MFN1: variants seen among roughly 807,000 people sequenced by gnomAD.
The protein encoded by MFN1 is mitofusin-1.
Under a neutral mutation model 92.4 loss-of-function variants are expected in MFN1, and 65 were observed. The ratio of observed to expected loss-of-function variants is 0.70; its 90% confidence interval spans 0.58 to 0.86. MFN1 has a LOEUF of 0.86. Among genes scored for constraint, MFN1 ranks in the 40% least tolerant of loss-of-function variants. MFN1 has a pLI of 0.00. For synonymous variants in MFN1, 297 were observed against 300.9 expected (o/e 0.99, Z 0.13); for missense variants, 781 against 868.0 (o/e 0.90, Z 1.26).
At chr3:179,357,210 G>A (rs1436683146) in intron 3 of MFN1, among the ~76,000 whole-genome samples, 1 of 152,168 alleles carries the variant, frequency 6.6e-6, no homozygotes, top group Non-Finnish European at 1.5e-5. Flanking sequence ...AAGAATGGGG[G>A]TGCAAATGGT....
rs200339629 is a variant in MFN1, at chr3:179,375,265, A to G, written c.1021A>G (p.Thr341Ala). Residue 341 changes from threonine to alanine, a missense_variant, in exon 10 of 18, where the codon ACT (threonine) becomes GCT (alanine). Physicochemically the swap from Thr to Ala is moderately conservative, Grantham distance 58. Transcript: ENST00000471841. ...SAVKTKFEQH[T>A]IRAKQILATV... Reference sequence around the variant, plus strand: ...AGTGAAAACAAAGTTCGAACAGCACACTATCAGAGCTAAACAGATACTAGC... The same window carrying G: ...AGTGAAAACAAAGTTCGAACAGCACGCTATCAGAGCTAAACAGATACTAGC... 7 of 1,613,928 alleles carry G rather than the reference A, an allele frequency of 4.3e-6. No individual in the cohort carries two copies. Among genetic ancestry groups the G allele is most frequent in the African/African-American group, 2.7e-5 (2 of 74,938 alleles).
chr3:179,376,866 C>A, intron 10 of MFN1, 176 bp from the exon 11 acceptor site: 1 of 494,584 alleles, frequency 2.0e-6, no homozygotes, highest in East Asian at 3.7e-5. Flanking sequence ...TCTATCAAAT[C>A]ATCTATATAA....
chr3:179,348,578 C>T (rs1294553994), intron 1 of MFN1, among the ~76,000 whole-genome samples: 2 of 152,180 alleles, frequency 1.3e-5, no homozygotes, highest in Non-Finnish European at 2.9e-5. Context: ...AACTTAGTCA[C>T]AATTAGTTTC....
chr3:179,390,106 G>A lies in MFN1; in HGVS notation c.2115G>A (p.Leu705=). 2 of 1,600,446 alleles carry A rather than the reference G, an allele frequency of 1.2e-6. No individual in the cohort carries two copies. Among genetic ancestry groups the A allele is most frequent in the East Asian group, 2.2e-5 (1 of 44,480 alleles). The change falls in exon 17 of 18, where the codon TTG becomes TTA. Residue 705 remains leucine (L), a synonymous_variant. Transcript: ENST00000471841. ...GATTACCCAAAGAAATAGATCAGTT[G>A]GAGAAAATACAAAACAATTCAAAGC... ...IARLPKEIDQ[L]EKIQNNSKLL... is the part of the protein sequence containing the mutation.
At position 179,392,000 on chromosome 3, in the gene MFN1, G is replaced by A; in HGVS notation, c.2167G>A (p.Glu723Lys). 1 of 1,607,292 alleles carries A rather than the reference G, an allele frequency of 6.2e-7. No individual in the cohort carries two copies. The highest frequency in any genetic ancestry group is 2.2e-5 in the East Asian group (1 of 44,724). Residue 723 changes from glutamate (E) to lysine (K), a missense_variant, in exon 18 of 18, where the codon GAA (glutamate) becomes AAA (lysine). Physicochemically the swap from Glu to Lys is moderately conservative, Grantham distance 56. Transcript: ENST00000471841. ...AATTAGAAATAAAGCTGTTCAACTT[G>A]AAAATGAGCTGGAGAATTTTACTAA... ...KLLRNKAVQL[E>K]NELENFTKQF...
chr3:179,353,760 G>A (rs1196347353), intron 3 of MFN1, among the ~76,000 whole-genome samples: 1 of 152,178 alleles, frequency 6.6e-6, no homozygotes, highest in Non-Finnish European at 1.5e-5. Flanking sequence ...TACCAACAGA[G>A]GCATTTATTT....
At chr3:179,355,025 GACCTCAGGCCATCCACCC>G (rs1448601457) in intron 3 of MFN1, among the ~76,000 whole-genome samples, 2 of 152,086 alleles carry the variant, frequency 1.3e-5, no homozygotes, top group East Asian at 3.8e-4. Flanking sequence ...TCGAACTCCT[GACCTCAGGCCATCCACCC>G]ACCTCGGCCT....
intron 4 of MFN1, 142 bp downstream of exon 4, chr3:179,359,144 G>T: frequency 9.6e-7 from 1 of 1,039,572 alleles, no homozygotes; most frequent in Non-Finnish European, 1.3e-6. Context: ...TTTTTAGACG[G>T]AATTTCGCTC....
Position 179,367,523 on chromosome 3 carries a change from ATCT to A in MFN1, c.843_845del (p.Phe282del), listed in dbSNP as rs779848478. On this transcript the variant is annotated inframe_deletion, in exon 8 of 18. Coordinates refer to ENST00000471841, the MANE Select transcript of MFN1 (RefSeq NM_033540.3). ...AAATGCTTTAGAAGCACAGAATCGT[ATCT>A]TCTTTGTTTCAGCAAAGGAAGTTCT... 7 of 1,613,828 alleles carry A rather than the reference ATCT, an allele frequency of 4.3e-6. No individual in the cohort carries two copies. Among genetic ancestry groups the A allele is most frequent in the African/African-American group, 4.0e-5 (3 of 74,924 alleles).
Position 179,371,962 on chromosome 3 carries a change from T to G in MFN1, c.976-3258T>G, listed in dbSNP as rs562798649. On this transcript the variant is annotated intron_variant, in intron 9 of 17. Coordinates refer to ENST00000471841, the MANE Select transcript of MFN1 (RefSeq NM_033540.3). The stretch of plus-strand genomic sequence containing the variant: ...CAGGAAGGAAAATAATACATAAGTA[T>G]ATATAAAAATATATGCCTCTCTTTA... Among the ~76,000 whole-genome samples, 42 of 150,552 alleles carry G rather than the reference T, an allele frequency of 2.8e-4. 1 individual carries two copies. The highest frequency in any genetic ancestry group is 3.6e-3 in the Middle Eastern group (1 of 280).
intron 3 of MFN1, 82 bp downstream of exon 3, chr3:179,352,117 A>T: frequency 3.6e-6 from 5 of 1,391,524 alleles, no homozygotes; most frequent in Non-Finnish European, 4.9e-6. Context: ...TATTTCTCCC[A>T]TCCTCCCCCA....
In MFN1 at chr3:179,364,375, C is replaced by A. The variant is rs1026406505; in HGVS notation, c.615C>A (p.Val205=). 7.4e-6 allele frequency: 12 copies of A among 1,613,136 alleles called. 1 individual carries two copies. The South Asian group carries it at 1.2e-4, about 16-fold the overall frequency. ...FCLDADVFVL[V]ANSESTLMNT... ...TAGATGCTGATGTCTTTGTTTTGGTCGCAAACTCTGAATCAACACTAATGA... is the reference window on the plus strand; with the variant it reads ...TAGATGCTGATGTCTTTGTTTTGGTAGCAAACTCTGAATCAACACTAATGA... Residue 205 remains valine (V), a synonymous_variant, in exon 6 of 18, where the codon GTC becomes GTA. Coordinates refer to ENST00000471841, the MANE Select transcript of MFN1 (RefSeq NM_033540.3).
Position 179,348,936 on chromosome 3 carries a change from GT to G in MFN1, c.87del (p.Thr30LeufsTer19). On this transcript the variant is annotated frameshift_variant, in exon 2 of 18. Coordinates refer to ENST00000471841, the MANE Select transcript of MFN1 (RefSeq NM_033540.3). LOFTEE classifies it high-confidence loss of function. ...AATCTTTGACCAGTTACTGGAGTTTGTTACTGAAGGATCACATTTTGTTGAA... is the reference window on the plus strand; with the variant it reads ...AATCTTTGACCAGTTACTGGAGTTTGTACTGAAGGATCACATTTTGTTGAA... ...TAIFDQLLEF[V>X]TEGSHFVEAT... 6.3e-7 allele frequency: 1 copy of G among 1,593,048 alleles called. No individual in the cohort carries two copies. Among genetic ancestry groups the G allele is most frequent in the Non-Finnish European group, 8.6e-7 (1 of 1,163,636 alleles).
At chr3:179,356,804 AG>A (rs1197308530) in intron 3 of MFN1, among the ~76,000 whole-genome samples, 1 of 152,084 alleles carries the variant, frequency 6.6e-6, no homozygotes, top group Non-Finnish European at 1.5e-5. Flanking sequence ...TATGGGGTGG[AG>A]GGACCCAAAC....
At chr3:179,388,706 A>G (rs1399395642) in intron 16 of MFN1, among the ~76,000 whole-genome samples, 5 of 152,264 alleles carry the variant, frequency 3.3e-5, no homozygotes, top group African/African-American at 4.8e-5. Context: ...TAGTAGATCA[A>G]TAAAGGTTTC....
chr3:179,369,830 TTA>T lies in MFN1; in HGVS notation c.975+1729_975+1730del, dbSNP rs1053356573. 9.7e-4 allele frequency among the ~76,000 whole-genome samples: 148 copies of T among 152,308 alleles called. 2 individuals are homozygous for T. Among genetic ancestry groups the T allele is most frequent in the African/African-American group, 3.5e-3 (145 of 41,560 alleles). On this transcript the variant is annotated intron_variant, in intron 9 of 17. Transcript: ENST00000471841. ...ATGTTTTTAGAGGAAACTTGGCAGT[TTA>T]TGTTTTATTCTAATGGTCCATTTGG...
chr3:179,378,199 A>G, intron 12 of MFN1, 142 bp from the exon 13 acceptor site: 1 of 663,048 alleles, frequency 1.5e-6, no homozygotes, highest in Non-Finnish European at 2.6e-6. Flanking sequence ...AGCCTAGGCA[A>G]CAAAGCAAGA....
At chr3:179,374,368 A>AAT (rs1491280365) in intron 9 of MFN1, among the ~76,000 whole-genome samples, 4 of 134,686 alleles carry the variant, frequency 3.0e-5, no homozygotes, top group Non-Finnish European at 6.4e-5. Flanking sequence ...ATATATATGT[A>AAT]ATATATATAT....
At position 179,351,964 on chromosome 3, in the gene MFN1, A is replaced by T. The variant is rs1238808119; in HGVS notation, c.177A>T (p.Gly59=). The change falls in exon 3 of 18, where the codon GGA becomes GGT. Residue 59 remains glycine, a synonymous_variant. Coordinates refer to ENST00000471841, the MANE Select transcript of MFN1 (RefSeq NM_033540.3). ...ATEDDLVEMQ[G]YKDKLSIIGE... ...AAGATGATCTGGTAGAAATGCAAGG[A>T]TATAAAGACAAGCTTTCCATCATTG... 6 of 1,611,978 alleles carry T rather than the reference A, an allele frequency of 3.7e-6. No homozygotes were observed. The highest frequency in any genetic ancestry group is 5.1e-6 in the Non-Finnish European group (6 of 1,178,364).
Sources: gnomAD v4.1 joint callset for allele counts (sites outside exome capture counted in the v4.1 genomes callset) on GRCh38, gnomAD v4.1.1 for gene constraint, MANE v1.5 for transcripts, NCBI Gene and HGNC (gene_info 2026-07-23, HGNC 2026-07-21) for gene names.